The following FAT3 variants were observed in gnomAD, a reference collection of about 807,000 sequenced individuals.
FAT3 encodes the protein protocadherin Fat 3.
Under a neutral mutation model 310.2 loss-of-function variants are expected in FAT3, and 95 were observed. The observed-to-expected ratio is 0.31, with a 90% CI of 0.26 to 0.36. The LOEUF (loss-of-function observed/expected upper bound fraction) is 0.36, where lower values mean the gene tolerates loss of function less well. Ranked by LOEUF, FAT3 falls within the 10% of genes least tolerant of loss-of-function variation. FAT3 has a pLI of 1.00. For missense variants in FAT3, 5,408 were observed against 5,715.6 expected (o/e 0.95, Z 1.74); for synonymous variants, 2,314 against 2,192.9 (o/e 1.06, Z -1.54).
chr11:92,262,250 T>C (rs149973308), intron 1 of FAT3, among the ~76,000 whole-genome samples: 255 of 152,208 alleles, frequency 1.7e-3, no homozygotes, highest in Non-Finnish European at 2.6e-3. Flanking sequence ...TTACAGCTCA[T>C]GGGTAGTTTT....
rs377678579 is a variant in FAT3 at position 92,340,675 on chromosome 11, A to T, written c.-17-11421A>T. 3.9e-5 allele frequency among the ~76,000 whole-genome samples: 6 copies of T among 152,138 alleles called. No homozygotes were observed. In the East Asian group the frequency reaches 5.8e-4, roughly 15 times the overall value. ...CCATACCTTACCCACCCCGAGTTCT[A>T]ATTCTTCCAAAGATCCACGTTGACC... On this transcript the variant is annotated intron_variant, in intron 1 of 27. Coordinates refer to ENST00000525166, the MANE Select transcript of FAT3 (RefSeq NM_001367949.2).
intron 2 of FAT3, among the ~76,000 whole-genome samples, chr11:92,408,381 G>C (rs1424407488): frequency 1.3e-5 from 2 of 152,158 alleles, no homozygotes; most frequent in African/African-American, 2.4e-5. Flanking sequence ...CCATAGCAGG[G>C]GGATAGCTTC....
At position 92,762,129 on chromosome 11, in the gene FAT3, T is replaced by A. The variant is rs554079105; in HGVS notation, c.3943T>A (p.Ser1315Thr). 1.2e-6 allele frequency: 2 copies of A among 1,613,728 alleles called. No homozygotes were observed. The highest frequency in any genetic ancestry group is 2.2e-5 in the South Asian group (2 of 91,068). ...FIDPKTGMVS[S>T]RKQFTAGSYD... ...TGACCCTAAAACTGGGATGGTTTCT[T>A]CTAGAAAGCAGTTTACAGCAGGCAG... The change falls in exon 5 of 28, where the codon TCT becomes ACT. Residue 1315 changes from serine (S) to threonine (T), a missense_variant. By Grantham distance (58) the Ser-to-Thr change is moderately conservative. Around this residue, in one of 5 missense-constraint regions of FAT3, gnomAD observed 4,588 missense variants for 4,809.8 expected, o/e 0.95. Coordinates refer to ENST00000525166, the MANE Select transcript of FAT3 (RefSeq NM_001367949.2).
At chr11:92,397,659 T>C (rs2134847222) in intron 2 of FAT3, among the ~76,000 whole-genome samples, 1 of 152,232 alleles carries the variant, frequency 6.6e-6, no homozygotes, top group East Asian at 1.9e-4. Flanking sequence ...TTAATTGTGC[T>C]GCTCTTTCCA....
intron 4 of FAT3, among the ~76,000 whole-genome samples, chr11:92,710,241 C>T (rs1213943979): frequency 6.6e-6 from 1 of 152,134 alleles, no homozygotes; most frequent in Non-Finnish European, 1.5e-5. Context: ...TCTGACTTTC[C>T]CCATATTGAG....
At position 92,896,171 on chromosome 11, in the gene FAT3, A is replaced by G. The variant is rs1381051336; in HGVS notation, c.*5058A>G. 2 of 152,194 alleles carry G rather than the reference A, an allele frequency of 1.3e-5. No individual in the cohort carries two copies. The highest frequency in any genetic ancestry group is 2.1e-4 in the South Asian group (1 of 4,828). 9.4% of individuals were successfully genotyped at this position (152,194 alleles called of 1,614,324 possible). On this transcript the variant is annotated 3_prime_UTR_variant, in exon 28 of 28. Transcript: ENST00000525166. ...TTCATATACATGCACATTCACCTCA[A>G]CTTGCACACACATCACACACCAAAC... is the stretch of plus-strand genomic sequence containing the variant.
intron 2 of FAT3, among the ~76,000 whole-genome samples, chr11:92,398,705 T>C (rs1384850050): frequency 1.3e-5 from 2 of 152,140 alleles, no homozygotes; most frequent in Non-Finnish European, 2.9e-5. Flanking sequence ...GGAGACACAA[T>C]TCAACCGATA....
At chr11:92,576,056 A>G (rs1938468509) in intron 3 of FAT3, among the ~76,000 whole-genome samples, 1 of 152,186 alleles carries the variant, frequency 6.6e-6, no homozygotes, top group South Asian at 2.1e-4. Context: ...GATCTGAAGT[A>G]TAATCTCTGC....
At chr11:92,703,971 A>G (rs543659608) in intron 4 of FAT3, among the ~76,000 whole-genome samples, 26 of 152,346 alleles carry the variant, frequency 1.7e-4, no homozygotes, top group African/African-American at 5.0e-4. Context: ...AGACCTAGAA[A>G]AGAGGAGAGT....
intron 13 of FAT3, among the ~76,000 whole-genome samples, chr11:92,813,661 A>G (rs1187195514): frequency 2.0e-5 from 3 of 152,162 alleles, no homozygotes; most frequent in Non-Finnish European, 4.4e-5. Context: ...TTTAAGTTAA[A>G]TTATATAGTT....
chr11:92,430,673 A>G (rs1950745816), intron 2 of FAT3, among the ~76,000 whole-genome samples: 1 of 151,950 alleles, frequency 6.6e-6, no homozygotes. Context: ...CCCCCACCCT[A>G]CAACAGGCCC....
At chr11:92,435,996 A>C (rs1950930982) in intron 2 of FAT3, among the ~76,000 whole-genome samples, 3 of 152,234 alleles carry the variant, frequency 2.0e-5, no homozygotes. Flanking sequence ...ACATATATAC[A>C]CATGAATTAA....
chr11:92,527,409 C>T (rs1186896976), intron 3 of FAT3, among the ~76,000 whole-genome samples: 1 of 152,156 alleles, frequency 6.6e-6, no homozygotes, highest in African/African-American at 2.4e-5. Context: ...AGCTGATACC[C>T]CATTCTAACT....
At chr11:92,227,046 A>AG (rs1469571041) in intron 1 of FAT3, among the ~76,000 whole-genome samples, 1 of 151,816 alleles carries the variant, frequency 6.6e-6, no homozygotes, top group Non-Finnish European at 1.5e-5. Context: ...GCCCAGGGGG[A>AG]GGGGGCGAGC....
At chr11:92,582,516 C>G (rs1938866029) in intron 3 of FAT3, among the ~76,000 whole-genome samples, 1 of 151,886 alleles carries the variant, frequency 6.6e-6, no homozygotes, top group African/African-American at 2.4e-5. Flanking sequence ...TCTAGCAATC[C>G]TTCATATAAC....
At chr11:92,812,391 G>A (rs547294240) in intron 13 of FAT3, among the ~76,000 whole-genome samples, 183 of 152,138 alleles carry the variant, frequency 1.2e-3, no homozygotes, top group African/African-American at 4.0e-3. Context: ...GACCAGCCCG[G>A]CCAATATGGT....
chr11:92,788,881 A>G (rs1274094168), intron 7 of FAT3, among the ~76,000 whole-genome samples: 1 of 152,202 alleles, frequency 6.6e-6, no homozygotes. Flanking sequence ...GCAGGGAAAT[A>G]GTAAGAGAAG....
intron 1 of FAT3, among the ~76,000 whole-genome samples, chr11:92,233,895 A>C (rs1008035913): frequency 4.0e-5 from 6 of 150,626 alleles, no homozygotes; most frequent in Non-Finnish European, 8.8e-5. Context: ...AGCAGTGCAC[A>C]TGTTGTGTTC....
chr11:92,780,893 A>T (rs1296132249), intron 7 of FAT3, among the ~76,000 whole-genome samples: 1 of 152,116 alleles, frequency 6.6e-6, no homozygotes, highest in South Asian at 2.1e-4. Context: ...GAATTTTAGC[A>T]CCTTTCCCCA....
Sources: allele counts gnomAD v4.1 joint callset (sites outside exome capture counted in the v4.1 genomes callset), GRCh38; gene constraint gnomAD v4.1.1; regional missense constraint gnomAD v4.1.1; transcripts MANE v1.5; gene names NCBI Gene and HGNC (gene_info 2026-07-23, HGNC 2026-07-21).